Variants in ATP6V1C2 observed in about 807,000 individuals in gnomAD.
ATP6V1C2 encodes the protein V-type proton ATPase subunit C 2.
ATP6V1C2 carries 45 observed loss-of-function variants against 56.8 expected under a neutral mutation model. The observed-to-expected ratio is 0.79, with a 90% CI of 0.62 to 1.02. The LOEUF is 1.02. ATP6V1C2 is among the 50% of genes least tolerant of loss of function. The probability of loss-of-function intolerance (pLI) is 0.00; values close to 1 mark genes in which losing one functional copy is unlikely to be tolerated. For missense variants in ATP6V1C2, 463 were observed against 519.7 expected, an observed-to-expected ratio of 0.89 and a Z score of 1.06; for synonymous variants, 220 against 201.3, an observed-to-expected ratio of 1.09 and a Z score of -0.79.
chr2:10,733,060 G>GT (rs1400581168), intron 3 of ATP6V1C2, among the ~76,000 whole-genome samples: 14 of 152,222 alleles, frequency 9.2e-5, no homozygotes, highest in Admixed American at 1.3e-4. Flanking sequence ...AAATTTAAGT[G>GT]TTTTCTAAAC....
chr2:10,774,916 C>A (rs768255117), intron 9 of ATP6V1C2, 36 bp downstream of exon 9: 2 of 1,610,572 alleles, frequency 1.2e-6, no homozygotes, highest in Non-Finnish European at 1.7e-6. Context: ...TCTCCCGCTG[C>A]GGGGGGTCTC....
chr2:10,729,344 A>G lies in ATP6V1C2; in HGVS notation c.197+2775A>G, dbSNP rs140724229. Among the ~76,000 whole-genome samples the G allele has an allele frequency of 5.1e-3, 776 of 151,990 alleles. 7 individuals are homozygous for G. Among genetic ancestry groups the G allele is most frequent in the African/African-American group, 0.018 (733 of 41,478 alleles). ...ATGCCTAGCTAATTTTTGTATTTTTAGTAGAGACGGTGTTTCACCATGTCG... is the reference window on the plus strand; with the variant it reads ...ATGCCTAGCTAATTTTTGTATTTTTGGTAGAGACGGTGTTTCACCATGTCG... On this transcript the variant is annotated intron_variant, in intron 3 of 13. Coordinates refer to ENST00000272238, the MANE Select transcript of ATP6V1C2 (RefSeq NM_001039362.2).
rs58188788 is a variant in ATP6V1C2, at chr2:10,774,964, T to A, written c.732-14T>A. 0.28 allele frequency: 448,437 copies of A among 1,612,990 alleles called. 67,102 individuals carry two copies. The highest frequency in any genetic ancestry group is 0.58 in the East Asian group (26,146 of 44,858). On this transcript the variant is annotated splice_polypyrimidine_tract_variant and intron_variant, in intron 9 of 13. Coordinates refer to ENST00000272238, the MANE Select transcript of ATP6V1C2 (RefSeq NM_001039362.2). ...AAGCTTCTGAGTGAAAACCCATGAT[T>A]TGCTTGTTTTAAGGTTCACTGTTCG...
intron 11 of ATP6V1C2, among the ~76,000 whole-genome samples, chr2:10,778,263 G>C (rs536648199): frequency 6.6e-6 from 1 of 152,346 alleles, no homozygotes; most frequent in African/African-American, 2.4e-5. Context: ...GCTGCACAGT[G>C]TCAGGCAGAA....
Position 10,784,987 on chromosome 2 carries a change from C to T in ATP6V1C2, c.*1724C>T, listed in dbSNP as rs368202472. ...CTCTCAACGATGGTAGGGAAAGCCC[C>T]GCCTCCTACAGGTGCCGTGGAGCCA... On this transcript the variant is annotated 3_prime_UTR_variant, in exon 14 of 14. Coordinates refer to ENST00000272238, the MANE Select transcript of ATP6V1C2 (RefSeq NM_001039362.2). 3.2e-5 allele frequency: 51 copies of T among 1,589,934 alleles called. 1 individual carries two copies. In the East Asian group the frequency reaches 3.6e-4, roughly 11 times the overall value.
At chr2:10,768,859 G>T (rs536806074) in intron 6 of ATP6V1C2, 49 bp downstream of exon 6, 4 of 1,515,764 alleles carry the variant, frequency 2.6e-6, no homozygotes, top group East Asian at 2.3e-5. Flanking sequence ...TCCTGGCGGG[G>T]GCTTAGCGCT....
intron 3 of ATP6V1C2, among the ~76,000 whole-genome samples, chr2:10,742,769 G>C (rs1171243935): frequency 6.6e-6 from 1 of 152,174 alleles, no homozygotes; most frequent in East Asian, 1.9e-4. Flanking sequence ...AATCAGCAGG[G>C]CTAAGAGGTG....
intron 5 of ATP6V1C2, among the ~76,000 whole-genome samples, chr2:10,765,023 T>TA (rs1664143539): frequency 6.6e-6 from 1 of 151,806 alleles, no homozygotes. Context: ...CCTCATCATC[T>TA]ACTCCTAGGA....
chr2:10,730,179 A>G (rs1183159019), intron 3 of ATP6V1C2, among the ~76,000 whole-genome samples: 1 of 152,158 alleles, frequency 6.6e-6, no homozygotes, highest in African/African-American at 2.4e-5. Flanking sequence ...ACAGTGGCAC[A>G]ATCTTAGCTC....
intron 2 of ATP6V1C2, among the ~76,000 whole-genome samples, chr2:10,723,605 G>A (rs915151515): frequency 7.2e-5 from 11 of 151,862 alleles, no homozygotes; most frequent in South Asian, 2.1e-4. Flanking sequence ...TTGGGAGGCC[G>A]AGGTGGGTGG....
At chr2:10,761,785 G>A (rs879449004) in intron 4 of ATP6V1C2, among the ~76,000 whole-genome samples, 1 of 152,180 alleles carries the variant, frequency 6.6e-6, no homozygotes, top group South Asian at 2.1e-4. Flanking sequence ...ATTGGATCAG[G>A]GCCCCACCCT....
At chr2:10,747,885 G>A (rs1663008887) in intron 3 of ATP6V1C2, among the ~76,000 whole-genome samples, 1 of 151,262 alleles carries the variant, frequency 6.6e-6, no homozygotes, top group Non-Finnish European at 1.5e-5. Context: ...TTTTGAGATG[G>A]TGTCTCGCTT....
At chr2:10,735,830 C>G (rs1662218540) in intron 3 of ATP6V1C2, among the ~76,000 whole-genome samples, 1 of 151,874 alleles carries the variant, frequency 6.6e-6, no homozygotes, top group Non-Finnish European at 1.5e-5. Context: ...TCAAATGATA[C>G]CGCTGACCAT....
At chr2:10,739,207 C>T (rs111845363) in intron 3 of ATP6V1C2, among the ~76,000 whole-genome samples, 3,054 of 152,166 alleles carry the variant, frequency 0.02, 41 homozygotes, top group Non-Finnish European at 0.031. Context: ...CGCTTGAACC[C>T]GGGAGACGGA....
chr2:10,775,321 A>G (rs1334647822), intron 10 of ATP6V1C2, among the ~76,000 whole-genome samples: 3 of 152,132 alleles, frequency 2.0e-5, no homozygotes, highest in South Asian at 2.1e-4. Flanking sequence ...CGCTTTCCAC[A>G]TGTGTTCTCA....
intron 4 of ATP6V1C2, among the ~76,000 whole-genome samples, chr2:10,756,608 C>G (rs1162485854): frequency 6.6e-6 from 1 of 151,832 alleles, no homozygotes; most frequent in African/African-American, 2.4e-5. Flanking sequence ...ATCCCAGCTT[C>G]TTGGGAGGCT....
At chr2:10,772,318 T>C (rs1664669436) in intron 7 of ATP6V1C2, among the ~76,000 whole-genome samples, 1 of 152,106 alleles carries the variant, frequency 6.6e-6, no homozygotes, top group African/African-American at 2.4e-5. Context: ...GCCCCAAGTG[T>C]ATCCATAGCT....
chr2:10,724,515 A>G (rs1001057429), intron 2 of ATP6V1C2, among the ~76,000 whole-genome samples: 4 of 151,906 alleles, frequency 2.6e-5, no homozygotes, highest in African/African-American at 7.3e-5. Context: ...TTCTGCATCC[A>G]CTCATTGATA....
At chr2:10,746,939 C>T (rs1436608832) in intron 3 of ATP6V1C2, among the ~76,000 whole-genome samples, 1 of 152,054 alleles carries the variant, frequency 6.6e-6, no homozygotes, top group Non-Finnish European at 1.5e-5. Context: ...TTATTTTGAA[C>T]CAATTTCAAG....
Sources: allele counts gnomAD v4.1 joint callset (sites outside exome capture counted in the v4.1 genomes callset), GRCh38; gene constraint gnomAD v4.1.1; transcripts MANE v1.5; gene names NCBI Gene and HGNC (gene_info 2026-07-23, HGNC 2026-07-21).